Variants in ENOX1 observed in about 807,000 individuals in gnomAD.
ENOX1 encodes candidate growth-related and time keeping constitutive hydroquinone (NADH) oxidase.
A neutral mutation model predicts 82.5 loss-of-function variants in ENOX1; 42 were observed. The observed-to-expected ratio is 0.51, with a 90% CI of 0.40 to 0.66. The LOEUF (loss-of-function observed/expected upper bound fraction) is 0.66. Ranked by LOEUF, ENOX1 falls within the 30% of genes least tolerant of loss-of-function variation. The probability of loss-of-function intolerance (pLI) is 0.00; values close to 1 mark genes in which losing one functional copy is unlikely to be tolerated. For synonymous variants in ENOX1, 271 were observed against 282.2 expected (o/e 0.96, Z 0.40); for missense variants, 608 against 811.6 (o/e 0.75, Z 3.05).
At chr13:43,216,785 G>A (rs2041511051) in intron 16 of ENOX1, among the ~76,000 whole-genome samples, 3 of 152,136 alleles carry the variant, frequency 2.0e-5, no homozygotes, top group South Asian at 4.1e-4. Flanking sequence ...TCATTAGGGA[G>A]GGGATAAAAA....
At chr13:43,754,019 T>C (rs55884812) in intron 1 of ENOX1, among the ~76,000 whole-genome samples, 3 of 112,528 alleles carry the variant, frequency 2.7e-5, no homozygotes, top group Non-Finnish European at 5.7e-5. Context: ...TGTATACACA[T>C]ATATATACAT....
intron 1 of ENOX1, among the ~76,000 whole-genome samples, chr13:43,760,135 A>G (rs543208994): frequency 6.6e-6 from 1 of 152,216 alleles, no homozygotes; most frequent in South Asian, 2.1e-4. Flanking sequence ...ATATAGACCA[A>G]CTCTTTTTTC....
At chr13:43,680,187 C>T (rs955162043) in intron 1 of ENOX1, among the ~76,000 whole-genome samples, 4 of 152,092 alleles carry the variant, frequency 2.6e-5, no homozygotes, top group Non-Finnish European at 4.4e-5. Context: ...GAAATGAAAT[C>T]CAACTTTCTT....
intron 1 of ENOX1, among the ~76,000 whole-genome samples, chr13:43,669,121 C>G (rs2085131921): frequency 1.3e-5 from 2 of 152,176 alleles, no homozygotes; most frequent in Non-Finnish European, 1.5e-5. Flanking sequence ...AACTGTACCT[C>G]CACATTTGCT....
intron 3 of ENOX1, among the ~76,000 whole-genome samples, chr13:43,419,096 T>C (rs1436248946): frequency 6.6e-6 from 1 of 152,170 alleles, no homozygotes; most frequent in Admixed American, 6.5e-5. Flanking sequence ...GAGAATCGCT[T>C]GAACAATTTC....
intron 3 of ENOX1, among the ~76,000 whole-genome samples, chr13:43,467,731 C>G (rs2057799691): frequency 6.6e-6 from 1 of 152,156 alleles, no homozygotes; most frequent in African/African-American, 2.4e-5. Context: ...GAAACTATTG[C>G]CTAATCCAAG....
chr13:43,325,441 T>C (rs537017420), intron 10 of ENOX1, among the ~76,000 whole-genome samples: 2 of 152,374 alleles, frequency 1.3e-5, no homozygotes, highest in South Asian at 4.1e-4. Context: ...TCTAGTGCTA[T>C]TGGTATTCAA....
At chr13:43,589,017 C>T (rs1176602136) in intron 2 of ENOX1, among the ~76,000 whole-genome samples, 1 of 151,852 alleles carries the variant, frequency 6.6e-6, no homozygotes, top group African/African-American at 2.4e-5. Flanking sequence ...GAAAGCTCTC[C>T]TTTCATAAAA....
At chr13:43,607,912 A>G (rs574487183) in intron 2 of ENOX1, among the ~76,000 whole-genome samples, 7 of 152,314 alleles carry the variant, frequency 4.6e-5, no homozygotes, top group Admixed American at 1.3e-4. Flanking sequence ...TCTCTGGGTA[A>G]TATCTGTCTA....
At chr13:43,618,192 G>C (rs963481257) in intron 2 of ENOX1, among the ~76,000 whole-genome samples, 1 of 152,260 alleles carries the variant, frequency 6.6e-6, no homozygotes, top group Non-Finnish European at 1.5e-5. Context: ...CCACTCTGTG[G>C]TTTGTGTGTT....
At chr13:43,285,575 G>A (rs1306313697) in intron 12 of ENOX1, among the ~76,000 whole-genome samples, 3 of 151,550 alleles carry the variant, frequency 2.0e-5, no homozygotes, top group Admixed American at 6.6e-5. Flanking sequence ...TTTTGCCGAG[G>A]CAGGCAGATC....
At chr13:43,471,910 T>A (rs906948626) in intron 3 of ENOX1, among the ~76,000 whole-genome samples, 1 of 151,720 alleles carries the variant, frequency 6.6e-6, no homozygotes, top group African/African-American at 2.4e-5. Flanking sequence ...GTGGTGGGTA[T>A]ATGAGTATTT....
chr13:43,742,018 C>T (rs569144415), intron 1 of ENOX1, among the ~76,000 whole-genome samples: 1 of 152,214 alleles, frequency 6.6e-6, no homozygotes, highest in South Asian at 2.1e-4. Context: ...ATTGAATTAC[C>T]TTGCACTCTT....
chr13:43,319,091 C>G (rs764082596), intron 11 of ENOX1, among the ~76,000 whole-genome samples: 72 of 152,074 alleles, frequency 4.7e-4, no homozygotes, highest in Non-Finnish European at 8.8e-4. Context: ...TAAAGTCTGG[C>G]TTCATTTCAG....
At chr13:43,448,806 C>T (rs975340095) in intron 3 of ENOX1, among the ~76,000 whole-genome samples, 2 of 152,208 alleles carry the variant, frequency 1.3e-5, no homozygotes, top group African/African-American at 4.8e-5. Flanking sequence ...CACTTTAACT[C>T]AGAGCGGCAT....
chr13:43,588,406 A>G (rs1182943481), intron 2 of ENOX1, among the ~76,000 whole-genome samples: 2 of 152,250 alleles, frequency 1.3e-5, no homozygotes, highest in Non-Finnish European at 2.9e-5. Flanking sequence ...AGTAATCGTC[A>G]TAACGCTTAC....
intron 1 of ENOX1, among the ~76,000 whole-genome samples, chr13:43,701,341 T>C (rs1183434291): frequency 6.6e-6 from 1 of 152,182 alleles, no homozygotes; most frequent in Non-Finnish European, 1.5e-5. Flanking sequence ...AAGACTTAGA[T>C]TGTTCATCAC....
chr13:43,278,293 C>T (rs1246913993), intron 12 of ENOX1, among the ~76,000 whole-genome samples: 3 of 152,182 alleles, frequency 2.0e-5, no homozygotes, highest in Non-Finnish European at 4.4e-5. Context: ...CTCTCTCTCA[C>T]ACATGACTTA....
intron 2 of ENOX1, among the ~76,000 whole-genome samples, chr13:43,563,964 G>A (rs2079805572): frequency 1.3e-5 from 2 of 151,676 alleles, no homozygotes; most frequent in South Asian, 2.1e-4. Flanking sequence ...AAAAAAAGGA[G>A]GAAGGAATAC....
Sources: allele counts gnomAD v4.1 joint callset (sites outside exome capture counted in the v4.1 genomes callset), GRCh38; gene constraint gnomAD v4.1.1; transcripts MANE v1.5; gene names NCBI Gene and HGNC (gene_info 2026-07-23, HGNC 2026-07-21).